TRIM2: variants seen among roughly 807,000 people sequenced by gnomAD.
The protein encoded by TRIM2 is tripartite motif-containing protein 2.
A neutral mutation model predicts 75.2 loss-of-function variants in TRIM2; 20 were observed. That is an observed-to-expected ratio of 0.27 (90% confidence interval 0.19 to 0.39). The LOEUF (loss-of-function observed/expected upper bound fraction) is 0.39. Among genes scored for constraint, TRIM2 ranks in the 10% least tolerant of loss-of-function variants. The probability of loss-of-function intolerance (pLI) is 1.00; values close to 1 mark genes in which losing one functional copy is unlikely to be tolerated. For missense variants in TRIM2, 660 were observed against 990.8 expected (o/e 0.67, Z 4.48); for synonymous variants, 373 against 388.3 (o/e 0.96, Z 0.46).
chr4:153,321,201 CAT>C (rs1234430895), intron 8 of TRIM2, among the ~76,000 whole-genome samples: 1 of 152,224 alleles, frequency 6.6e-6, no homozygotes, highest in Non-Finnish European at 1.5e-5. Flanking sequence ...ATACAGTAGA[CAT>C]GTTTGTCCCT....
At chr4:153,240,110 A>G (rs1220383061) in intron 1 of TRIM2, among the ~76,000 whole-genome samples, 3 of 152,122 alleles carry the variant, frequency 2.0e-5, no homozygotes, top group African/African-American at 7.2e-5. Context: ...CTGGGATTAC[A>G]GGCATAAGCC....
intron 1 of TRIM2, among the ~76,000 whole-genome samples, chr4:153,217,433 C>G (rs905531078): frequency 6.6e-6 from 1 of 152,160 alleles, no homozygotes; most frequent in Non-Finnish European, 1.5e-5. Context: ...TCAGCAGGAA[C>G]AGACACTTCA....
intron 1 of TRIM2, among the ~76,000 whole-genome samples, chr4:153,193,193 G>A (rs559886468): frequency 6.4e-5 from 9 of 139,738 alleles, no homozygotes; most frequent in South Asian, 2.2e-4. Context: ...ATGAAGTGTC[G>A]CGATCTCAGC....
At chr4:153,205,891 T>A (rs1735283229) in intron 1 of TRIM2, among the ~76,000 whole-genome samples, 1 of 152,188 alleles carries the variant, frequency 6.6e-6, no homozygotes, top group Non-Finnish European at 1.5e-5. Flanking sequence ...AGTCTCTAAG[T>A]GAGGCCAGGT....
At chr4:153,201,408 T>A (rs531525379), upstream of TRIM2, among the ~76,000 whole-genome samples, 2 of 152,286 alleles carry the variant, frequency 1.3e-5, no homozygotes, top group South Asian at 4.1e-4. Flanking sequence ...GTCTTTTTAT[T>A]GTTGAATTGC....
At chr4:153,300,916 C>T (rs1579486115) in intron 6 of TRIM2, among the ~76,000 whole-genome samples, 1 of 151,466 alleles carries the variant, frequency 6.6e-6, no homozygotes, top group Admixed American at 6.6e-5. Flanking sequence ...GGGGGCCGGG[C>T]ACAGTGGATG....
At chr4:153,246,862 G>T (rs968956085) in intron 1 of TRIM2, among the ~76,000 whole-genome samples, 2 of 152,094 alleles carry the variant, frequency 1.3e-5, no homozygotes. Context: ...CTATTCTTCC[G>T]CCCTTGCTCT....
intron 1 of TRIM2, among the ~76,000 whole-genome samples, chr4:153,199,034 T>A (rs1734049632): frequency 6.6e-6 from 1 of 152,228 alleles, no homozygotes; most frequent in Admixed American, 6.5e-5. Flanking sequence ...AGAACACACA[T>A]CTGCCTCTGT....
chr4:153,298,947 C>T (rs191497999), intron 6 of TRIM2, among the ~76,000 whole-genome samples: 1 of 152,130 alleles, frequency 6.6e-6, no homozygotes, highest in East Asian at 1.9e-4. Context: ...CCATGTTGCC[C>T]AGGCTAGTCT....
intron 2 of TRIM2, among the ~76,000 whole-genome samples, chr4:153,271,233 G>A (rs1756601297): frequency 6.8e-6 from 1 of 147,960 alleles, no homozygotes; most frequent in Non-Finnish European, 1.5e-5. Flanking sequence ...CCCTAGTAAA[G>A]TTATGTATCT....
intron 1 of TRIM2, among the ~76,000 whole-genome samples, chr4:153,255,860 A>G (rs1209848777): frequency 6.6e-6 from 1 of 152,236 alleles, no homozygotes; most frequent in Non-Finnish European, 1.5e-5. Flanking sequence ...ACAAGACCAC[A>G]TATTATATGA....
intron 1 of TRIM2, among the ~76,000 whole-genome samples, chr4:153,183,663 G>C (rs1410026719): frequency 6.6e-6 from 1 of 152,172 alleles, no homozygotes; most frequent in Non-Finnish European, 1.5e-5. Context: ...GGACGGGCTG[G>C]GTTCAAGACA....
chr4:153,170,561 G>T (rs960483091), intron 1 of TRIM2, among the ~76,000 whole-genome samples: 1 of 152,078 alleles, frequency 6.6e-6, no homozygotes, highest in African/African-American at 2.4e-5. Flanking sequence ...AACACAAGCT[G>T]GTTAGTACCA....
chr4:153,281,321 C>G (rs1233546206), intron 3 of TRIM2, among the ~76,000 whole-genome samples: 1 of 152,094 alleles, frequency 6.6e-6, no homozygotes, highest in Non-Finnish European at 1.5e-5. Context: ...GTAATTCCAC[C>G]AGTGGAAATA....
At chr4:153,200,724 A>AAAATATATAT (rs1405991305), upstream of TRIM2, among the ~76,000 whole-genome samples, 3 of 138,142 alleles carry the variant, frequency 2.2e-5, no homozygotes, top group East Asian at 4.1e-4. Context: ...AAGAAAAAAA[A>AAAATATATAT]ATATATATAT....
chr4:153,213,355 T>C (rs1246143038), intron 1 of TRIM2, among the ~76,000 whole-genome samples: 1 of 152,254 alleles, frequency 6.6e-6, no homozygotes, highest in African/African-American at 2.4e-5. Flanking sequence ...TTCATTTAAC[T>C]TGTTTCAATT....
At chr4:153,241,822 G>C (rs1171509410) in intron 1 of TRIM2, among the ~76,000 whole-genome samples, 1 of 152,248 alleles carries the variant, frequency 6.6e-6, no homozygotes, top group Admixed American at 6.5e-5. Context: ...GAACGGAGGA[G>C]AGGCCACACG....
chr4:153,198,629 T>G (rs991518273), intron 1 of TRIM2, among the ~76,000 whole-genome samples: 10 of 152,254 alleles, frequency 6.6e-5, no homozygotes, highest in Admixed American at 2.0e-4. Flanking sequence ...CCCAGTTCCA[T>G]TCACCATATT....
chr4:153,159,296 C>CTTTTTTTTTTTTTTTTTTTTTTTTTTT (rs11318531), intron 1 of TRIM2, among the ~76,000 whole-genome samples: 2 of 89,160 alleles, frequency 2.2e-5, no homozygotes, highest in African/African-American at 4.4e-5. Context: ...TTTACAAAAT[C>CTTTTTTTTTTTTTTTTTTTTTTTTTTT]TTTTTTTTTT....
Sources: gnomAD v4.1 joint callset for allele counts (sites outside exome capture counted in the v4.1 genomes callset) on GRCh38, gnomAD v4.1.1 for gene constraint, MANE v1.5 for transcripts, NCBI Gene and HGNC (gene_info 2026-07-23, HGNC 2026-07-21) for gene names.